METTL14: variants seen among roughly 807,000 people sequenced by gnomAD.
METTL14 encodes the protein methyltransferase 14, N6-adenosine-methyltransferase non-catalytic subunit.
Under a neutral mutation model 62.4 loss-of-function variants are expected in METTL14, and 32 were observed. The observed-to-expected ratio is 0.51, with a 90% CI of 0.39 to 0.69. METTL14 has a LOEUF of 0.69. METTL14 is among the 30% of genes least tolerant of loss of function. The probability of loss-of-function intolerance (pLI) is 0.00; values close to 1 mark genes in which losing one functional copy is unlikely to be tolerated. For missense variants in METTL14, 340 were observed against 551.9 expected, an observed-to-expected ratio of 0.62 and a Z score of 3.85; for synonymous variants, 150 against 180.0, an observed-to-expected ratio of 0.83 and a Z score of 1.34.
At chr4:118,687,789 T>TTGTG (rs58763837) in intron 1 of METTL14, 134 bp from the exon 2 acceptor site, 188 of 578,608 alleles carry the variant, frequency 3.2e-4, no homozygotes, top group East Asian at 1.8e-3. Flanking sequence ...ATTCATTGTT[T>TTGTG]TGTGTGTGTG....
At chr4:118,700,961 A>G (rs2110405975) in intron 8 of METTL14, among the ~76,000 whole-genome samples, 1 of 152,254 alleles carries the variant, frequency 6.6e-6, no homozygotes, top group East Asian at 1.9e-4. Context: ...ACAATTCTTT[A>G]TGAGTAGCTA....
intron 8 of METTL14, 72 bp from the exon 9 acceptor site, chr4:118,703,863 C>A: frequency 5.9e-6 from 5 of 843,602 alleles, no homozygotes; most frequent in Admixed American, 3.1e-5. Flanking sequence ...TTTTTTAATG[C>A]TGGTTGTTAT....
At position 118,699,217 on chromosome 4, in the gene METTL14, T is replaced by C. The variant is rs548933971; in HGVS notation, c.646-1333T>C. On this transcript the variant is annotated intron_variant, in intron 7 of 10. Transcript: ENST00000388822. ...ATGGTAGTTACTACTCTTAATAATA[T>C]CTATTTTTCCAAGATTTACCTCTAA... 2.6e-5 allele frequency among the ~76,000 whole-genome samples: 4 copies of C among 152,298 alleles called. No homozygotes were observed. In the South Asian group the frequency reaches 6.2e-4, roughly 24 times the overall value.
intron 9 of METTL14, among the ~76,000 whole-genome samples, chr4:118,704,614 A>T (rs1184430008): frequency 1.3e-5 from 2 of 151,862 alleles, no homozygotes; most frequent in Non-Finnish European, 2.9e-5. Flanking sequence ...TGGGTTGGAG[A>T]GCTTCTGGGT....
chr4:118,709,875 A>G lies in METTL14; in HGVS notation c.1067-123A>G. The G allele has an allele frequency of 5.6e-6, 5 of 897,360 alleles. No individual in the cohort carries two copies. In the South Asian group the frequency reaches 8.7e-5, roughly 16 times the overall value. The allele number at this position is 897,360 out of a possible 1,614,324, so 55.6% of individuals were successfully genotyped here. Reference sequence around the variant, plus strand: ...AATTAAGTGCCATTCTGTAAAAGAGATCAGTATTGGATGAATGATGGGGAC... The same window carrying G: ...AATTAAGTGCCATTCTGTAAAAGAGGTCAGTATTGGATGAATGATGGGGAC... On this transcript the variant is annotated intron_variant, in intron 10 of 10. Coordinates refer to ENST00000388822, the MANE Select transcript of METTL14 (RefSeq NM_020961.4).
intron 8 of METTL14, 24 bp from the exon 9 acceptor site, chr4:118,703,911 T>C: frequency 7.8e-7 from 1 of 1,290,140 alleles, no homozygotes; most frequent in Non-Finnish European, 1.1e-6. Flanking sequence ...TAAGGATTTG[T>C]GTTTAAAATT....
At chr4:118,702,546 C>T (rs1724625898) in intron 8 of METTL14, among the ~76,000 whole-genome samples, 1 of 152,022 alleles carries the variant, frequency 6.6e-6, no homozygotes, top group Admixed American at 6.6e-5. Flanking sequence ...GAGACAGAGG[C>T]GGGCAGATCA....
At chr4:118,689,001 T>C (rs1171871016) in intron 2 of METTL14, among the ~76,000 whole-genome samples, 1 of 152,220 alleles carries the variant, frequency 6.6e-6, no homozygotes, top group South Asian at 2.1e-4. Context: ...AAATATACTT[T>C]ATCCTAAAAG....
chr4:118,703,186 T>A (rs1215316857), intron 8 of METTL14, among the ~76,000 whole-genome samples: 6 of 152,118 alleles, frequency 3.9e-5, no homozygotes, highest in Non-Finnish European at 7.4e-5. Context: ...ATTTGTTTAT[T>A]TTTCCCTCCT....
chr4:118,701,638 A>C (rs1724592399), intron 8 of METTL14, among the ~76,000 whole-genome samples: 1 of 152,112 alleles, frequency 6.6e-6, no homozygotes, highest in Non-Finnish European at 1.5e-5. Context: ...AAAGATACTC[A>C]CTCTTGAGGG....
chr4:118,696,150 A>G (rs945364247), intron 6 of METTL14, among the ~76,000 whole-genome samples: 4 of 143,190 alleles, frequency 2.8e-5, no homozygotes, highest in African/African-American at 2.5e-5. Context: ...AAAAAATTGT[A>G]TTCTGTAAGT....
rs70941201 is a variant in METTL14, at chr4:118,696,117, C to CAAAAAAAAAAAAAAAA, written c.504-1052_504-1037dup. On this transcript the variant is annotated intron_variant, in intron 6 of 10. Coordinates refer to ENST00000388822, the MANE Select transcript of METTL14 (RefSeq NM_020961.4). ...CTGGCAACAGAGTGAGACTCTGTCTCAAAAAAAAAAAAAAAAAAAAAAAAA... is the reference window on the plus strand; with the variant it reads ...CTGGCAACAGAGTGAGACTCTGTCTCAAAAAAAAAAAAAAAAAAAAAAAAAAAAAAAAAAAAAAAAA... Among the ~76,000 whole-genome samples, 183 of 33,908 alleles carry CAAAAAAAAAAAAAAAA rather than the reference C, an allele frequency of 5.4e-3. 30 individuals are homozygous for CAAAAAAAAAAAAAAAA. The highest frequency in any genetic ancestry group is 6.7e-3 in the Non-Finnish European group (145 of 21,550). 22.2% of individuals were successfully genotyped at this position (33,908 alleles called of 152,430 possible).
intron 1 of METTL14, among the ~76,000 whole-genome samples, chr4:118,687,575 T>G (rs1291424964): frequency 1.3e-5 from 2 of 152,214 alleles, no homozygotes; most frequent in African/African-American, 4.8e-5. Context: ...TGGAAAATAT[T>G]GTAACTTGAA....
chr4:118,706,851 T>C (rs1252501141), intron 10 of METTL14, among the ~76,000 whole-genome samples: 1 of 152,230 alleles, frequency 6.6e-6, no homozygotes, highest in African/African-American at 2.4e-5. Context: ...CCTCTTTTCA[T>C]ATGCTTATTT....
Position 118,685,619 on chromosome 4 carries a change from C to A in METTL14, c.66+19C>A. ...GCAGCAGGTCCGCGGCCCTGGTGTC[C>A]CCTGTGGGAGGGATCGAGAATGCGA... On this transcript the variant is annotated intron_variant, in intron 1 of 10. Coordinates refer to ENST00000388822, the MANE Select transcript of METTL14 (RefSeq NM_020961.4). 10 of 1,612,984 alleles carry A rather than the reference C, an allele frequency of 6.2e-6. No individual in the cohort carries two copies. The highest frequency in any genetic ancestry group is 8.5e-6 in the Non-Finnish European group (10 of 1,179,218).
chr4:118,687,274 C>T (rs1303926315), intron 1 of METTL14, among the ~76,000 whole-genome samples: 2 of 152,180 alleles, frequency 1.3e-5, no homozygotes, highest in African/African-American at 4.8e-5. Flanking sequence ...AACTCAAAAT[C>T]GGAATGCTTC....
intron 1 of METTL14, 146 bp from the exon 2 acceptor site, chr4:118,687,777 T>G (rs1428830919): frequency 3.2e-6 from 2 of 624,320 alleles, no homozygotes; most frequent in African/African-American, 1.9e-5. Flanking sequence ...GCAAGCTGAT[T>G]AATTCATTGT....
intron 1 of METTL14, chr4:118,686,535 T>C (rs1387681869): frequency 2.2e-6 from 1 of 449,430 alleles, no homozygotes; most frequent in Admixed American, 2.4e-5. Context: ...ATCCTCTTTA[T>C]GGTCTGATGA....
rs1196426166 is a variant in METTL14, at chr4:118,713,818, T to G, written c.*3516T>G. ...AACTGACTCCATTGAAGACTTCATT[T>G]CTGGAAATACCACATTGCTTCTGCT... On this transcript the variant is annotated 3_prime_UTR_variant, in exon 11 of 11. Transcript: ENST00000388822. 1 of 152,234 alleles carries G rather than the reference T, an allele frequency of 6.6e-6. No homozygotes were observed. Among genetic ancestry groups the G allele is most frequent in the African/African-American group, 2.4e-5 (1 of 41,472 alleles). 9.4% of individuals were successfully genotyped at this position (152,234 alleles called of 1,614,324 possible).
Sources: gnomAD v4.1 joint callset for allele counts (sites outside exome capture counted in the v4.1 genomes callset) on GRCh38, gnomAD v4.1.1 for gene constraint, MANE v1.5 for transcripts, NCBI Gene and HGNC (gene_info 2026-07-23, HGNC 2026-07-21) for gene names.